The following CUL2 variants were observed in gnomAD, a reference collection of about 807,000 sequenced individuals.
CUL2 encodes the protein cullin-2.
In CUL2, 22 loss-of-function variants were observed where a neutral mutation model predicts 110.2. The ratio of observed to expected loss-of-function variants is 0.20; its 90% confidence interval spans 0.14 to 0.28. The LOEUF (loss-of-function observed/expected upper bound fraction) is 0.28, where lower values mean the gene tolerates loss of function less well. CUL2 is among the 10% of genes least tolerant of loss of function. The probability of loss-of-function intolerance (pLI) is 1.00; values close to 1 mark genes in which losing one functional copy is unlikely to be tolerated. For synonymous variants in CUL2, 279 were observed against 293.2 expected, an observed-to-expected ratio of 0.95 and a Z score of 0.49; for missense variants, 631 against 905.5, an observed-to-expected ratio of 0.70 and a Z score of 3.89.
rs1045628848 is a variant in CUL2 at position 35,030,624 on chromosome 10, C to A, written c.1386+676G>T. On this transcript the variant is annotated intron_variant, in intron 14 of 20. Coordinates refer to ENST00000374749, the MANE Select transcript of CUL2 (RefSeq NM_003591.4). Reference sequence around the variant, plus strand: ...TCTTGAACTACTGAGCTCAAACAATCTACATGCCTTGGCCTCCCAAAGTGC... The same window carrying A: ...TCTTGAACTACTGAGCTCAAACAATATACATGCCTTGGCCTCCCAAAGTGC... Among the ~76,000 whole-genome samples, 4 of 152,186 alleles carry A rather than the reference C, an allele frequency of 2.6e-5. No homozygotes were observed. In the East Asian group the frequency reaches 7.7e-4, roughly 29 times the overall value.
chr10:35,074,283 C>A, intron 1 of CUL2: 1 of 1,218,956 alleles, frequency 8.2e-7, no homozygotes. Flanking sequence ...GGCTCAACTG[C>A]AACATGGCAC....
chr10:35,059,668 C>CAAGAAGATTGAGAATAG (rs774099530), intron 4 of CUL2, among the ~76,000 whole-genome samples: 23 of 152,084 alleles, frequency 1.5e-4, no homozygotes, highest in Non-Finnish European at 2.9e-4. Context: ...TATGCCTGTA[C>CAAGAAGATTGAGAATAG]AAGAAGATTG....
chr10:35,047,278 T>C (rs1433247416), intron 6 of CUL2, among the ~76,000 whole-genome samples: 5 of 152,162 alleles, frequency 3.3e-5, no homozygotes, highest in African/African-American at 9.7e-5. Flanking sequence ...CTCAATTCTG[T>C]GAGTGAACAC....
At chr10:35,047,647 G>A (rs1250464093) in intron 6 of CUL2, among the ~76,000 whole-genome samples, 4 of 151,876 alleles carry the variant, frequency 2.6e-5, no homozygotes, top group Admixed American at 1.3e-4. Flanking sequence ...GCCGGGTGCG[G>A]TGGCTCACTC....
chr10:35,013,402 T>C (rs1588942900), intron 19 of CUL2, among the ~76,000 whole-genome samples: 1 of 150,944 alleles, frequency 6.6e-6, no homozygotes, highest in Admixed American at 6.6e-5. Context: ...ATGAAAAATA[T>C]GAAATTTTAT....
chr10:35,034,520 C>T (rs1044416557), intron 10 of CUL2, among the ~76,000 whole-genome samples: 1 of 152,144 alleles, frequency 6.6e-6, no homozygotes, highest in Non-Finnish European at 1.5e-5. Flanking sequence ...AGATGAAGGG[C>T]AAACAGCTCT....
In CUL2 at chr10:35,031,246, T is replaced by C; in HGVS notation, c.1386+54A>G. The C allele has an allele frequency of 1.8e-6, 2 of 1,127,820 alleles. No individual in the cohort carries two copies. The highest frequency in any genetic ancestry group is 2.2e-5 in the Admixed American group (1 of 45,098). The allele number at this position is 1,127,820 out of a possible 1,614,324, so 69.9% of individuals were successfully genotyped here. A position where few individuals can be genotyped will look rare whatever the true frequency, so the allele number is the denominator to read the frequency against. Reference sequence around the variant, plus strand: ...TACACAATGCTGCAATGAACATCTTTATGTGCTTGTGAATGAATTTCTAGG... The same window carrying C: ...TACACAATGCTGCAATGAACATCTTCATGTGCTTGTGAATGAATTTCTAGG... On this transcript the variant is annotated intron_variant, in intron 14 of 20. Coordinates refer to ENST00000374749, the MANE Select transcript of CUL2 (RefSeq NM_003591.4). The surrounding 1 kb of genome is among the most constrained non-coding windows in gnomAD (Gnocchi z 4.4).
At chr10:35,088,486 C>T (rs1380181199) in intron 1 of CUL2, among the ~76,000 whole-genome samples, 2 of 114,378 alleles carry the variant, frequency 1.7e-5, no homozygotes, top group South Asian at 3.0e-4. Flanking sequence ...GGTGACAGAG[C>T]GAGACTCCGC....
intron 1 of CUL2, among the ~76,000 whole-genome samples, chr10:35,073,408 C>T (rs1186571541): frequency 6.6e-6 from 1 of 152,068 alleles, no homozygotes; most frequent in African/African-American, 2.4e-5. Flanking sequence ...TCCATCCATA[C>T]TTGTATAGCC....
rs1425466644 is a variant in CUL2, at chr10:35,049,780, GAA to G, written c.424-17_424-16del. The stretch of plus-strand genomic sequence containing the variant: ...TCCAATGCTAGCTGCCGGGAAAAAC[GAA>G]AATCATCAGGGCTGAATTACTTAGT... On this transcript the variant is annotated splice_polypyrimidine_tract_variant and intron_variant, in intron 5 of 20. Coordinates refer to ENST00000374749, the MANE Select transcript of CUL2 (RefSeq NM_003591.4). 1 of 1,585,962 alleles carries G rather than the reference GAA, an allele frequency of 6.3e-7. No individual in the cohort carries two copies. Among genetic ancestry groups the G allele is most frequent in the African/African-American group, 1.3e-5 (1 of 74,152 alleles).
intron 6 of CUL2, among the ~76,000 whole-genome samples, chr10:35,045,572 G>C (rs1419911043): frequency 6.7e-6 from 1 of 148,254 alleles, no homozygotes; most frequent in Non-Finnish European, 1.5e-5. Flanking sequence ...CAACTTAGCT[G>C]TGCATGGTGG....
chr10:35,028,740 A>G (rs2085394294), intron 16 of CUL2, 70 bp downstream of exon 16: 1 of 1,006,208 alleles, frequency 9.9e-7, no homozygotes, highest in Non-Finnish European at 1.5e-6. Context: ...AAAAAATATT[A>G]AAGGTGATAT....
In CUL2 at chr10:35,049,600, TG is replaced by T. The variant is rs1400191246; in HGVS notation, c.506+82del. ...TAAAACCAGCCCCAAGGCTAGTCAC[TG>T]GCTCTGCAATTGTACACTATTTTAA... On this transcript the variant is annotated intron_variant, in intron 6 of 20. Coordinates refer to ENST00000374749, the MANE Select transcript of CUL2 (RefSeq NM_003591.4). 5 of 1,090,854 alleles carry T rather than the reference TG, an allele frequency of 4.6e-6. No homozygotes were observed. The East Asian group carries it at 1.3e-4, about 28-fold the overall frequency. 67.6% of individuals were successfully genotyped at this position (1,090,854 alleles called of 1,614,324 possible).
intron 17 of CUL2, among the ~76,000 whole-genome samples, chr10:35,021,818 G>GGGAGA (rs2085199024): frequency 9.5e-6 from 1 of 105,412 alleles, no homozygotes; most frequent in African/African-American, 3.7e-5. Flanking sequence ...AGGCGAGGTG[G>GGGAGA]GGTGAGGTGA....
intron 16 of CUL2, among the ~76,000 whole-genome samples, chr10:35,025,692 T>A (rs976809491): frequency 2.0e-5 from 3 of 152,216 alleles, no homozygotes; most frequent in African/African-American, 7.2e-5. Context: ...TGTGAACAAT[T>A]AAATTTAAAT....
intron 1 of CUL2, among the ~76,000 whole-genome samples, chr10:35,078,131 C>G (rs965424481): frequency 1.3e-5 from 2 of 152,114 alleles, no homozygotes; most frequent in Non-Finnish European, 2.9e-5. Context: ...TCTTAACTTT[C>G]CTGTGAGTTT....
intron 1 of CUL2, among the ~76,000 whole-genome samples, chr10:35,081,448 A>T (rs1321375400): frequency 2.0e-5 from 3 of 152,176 alleles, no homozygotes; most frequent in Non-Finnish European, 4.4e-5. Flanking sequence ...GACATTTTTA[A>T]AAAAAACTAT....
intron 17 of CUL2, among the ~76,000 whole-genome samples, chr10:35,017,305 T>A (rs970495192): frequency 6.6e-6 from 1 of 151,960 alleles, no homozygotes; most frequent in Non-Finnish European, 1.5e-5. Flanking sequence ...TTGCTGAAAG[T>A]TGATAGCAAA....
intron 17 of CUL2, among the ~76,000 whole-genome samples, chr10:35,018,136 A>AC (rs2085086874): frequency 6.7e-6 from 1 of 150,312 alleles, no homozygotes; most frequent in Non-Finnish European, 1.5e-5. Context: ...AAAAAAAAAA[A>AC]ACTAGCAGGG....
Sources: allele counts gnomAD v4.1 joint callset (sites outside exome capture counted in the v4.1 genomes callset), GRCh38; gene constraint gnomAD v4.1.1; non-coding constraint Gnocchi (gnomAD v3.1); transcripts MANE v1.5; gene names NCBI Gene and HGNC (gene_info 2026-07-23, HGNC 2026-07-21).